Variants in IQCM observed in about 807,000 individuals in gnomAD.
The protein encoded by IQCM is IQ motif containing M, also known as IQ domain-containing protein M.
In IQCM, 45 loss-of-function variants were observed where a neutral mutation model predicts 57.6. The ratio of observed to expected loss-of-function variants is 0.78; its 90% confidence interval spans 0.62 to 1.00. The LOEUF is 1.00. IQCM is among the 50% of genes least tolerant of loss of function. The probability of loss-of-function intolerance (pLI) is 0.00; values close to 1 mark genes in which losing one functional copy is unlikely to be tolerated. For missense variants in IQCM, 468 were observed against 511.6 expected (o/e 0.91, Z 0.82); for synonymous variants, 148 against 158.9 (o/e 0.93, Z 0.51).
intron 12 of IQCM, among the ~76,000 whole-genome samples, chr4:149,442,953 CAGAGAGAGAGAGAGAGAGAGAGAG>C (rs56890715): frequency 1.0e-5 from 1 of 98,002 alleles, no homozygotes; most frequent in Non-Finnish European, 2.2e-5. Flanking sequence ...CACACACACA[CAGAGAGAGAGAGAGAGAGAGAGAG>C]AGAGAGAGAG....
chr4:149,557,921 C>T (rs901867149), intron 10 of IQCM, among the ~76,000 whole-genome samples: 5 of 152,200 alleles, frequency 3.3e-5, no homozygotes, highest in African/African-American at 4.8e-5. Flanking sequence ...CTTCTCTAAA[C>T]TTCGTAGTGC....
chr4:149,354,676 G>A lies in IQCM; in HGVS notation c.1391-2610C>T, dbSNP rs918818230. Among the ~76,000 whole-genome samples, 7 of 151,904 alleles carry A rather than the reference G, an allele frequency of 4.6e-5. No homozygotes were observed. The South Asian group carries it at 1.4e-3, about 31-fold the overall frequency. On this transcript the variant is annotated intron_variant, in intron 13 of 13. Transcript: ENST00000636793. Reference sequence around the variant, plus strand: ...AATAGAAAGAAAAGTGAAAATAAGGGCCCAAGTTCATGTTCTTATACATTT... The same window carrying A: ...AATAGAAAGAAAAGTGAAAATAAGGACCCAAGTTCATGTTCTTATACATTT...
At chr4:149,687,615 C>T (rs1579998801) in intron 5 of IQCM, among the ~76,000 whole-genome samples, 1 of 151,528 alleles carries the variant, frequency 6.6e-6, no homozygotes, top group Non-Finnish European at 1.5e-5. Flanking sequence ...CCAGCATCAC[C>T]CTACTAACAA....
At chr4:149,433,713 ATCT>A (rs1735083593) in intron 12 of IQCM, among the ~76,000 whole-genome samples, 156 bp from the exon 13 acceptor site, 3 of 152,016 alleles carry the variant, frequency 2.0e-5, no homozygotes, top group South Asian at 4.1e-4. Context: ...TTTACCAAAA[ATCT>A]TCTTGTTAAT....
chr4:149,544,005 T>A (rs1748132292), intron 12 of IQCM, among the ~76,000 whole-genome samples: 1 of 152,114 alleles, frequency 6.6e-6, no homozygotes, highest in South Asian at 2.1e-4. Flanking sequence ...AAATTTGCAC[T>A]AAGAATGAAA....
At chr4:149,514,606 C>T (rs1315888248) in intron 12 of IQCM, 1 of 152,206 alleles carries the variant, frequency 6.6e-6, no homozygotes, top group African/African-American at 2.4e-5. Context: ...CTAGGCTGGG[C>T]ATAGCTGGGC....
At chr4:149,629,811 G>A (rs1327637811) in intron 7 of IQCM, among the ~76,000 whole-genome samples, 1 of 152,070 alleles carries the variant, frequency 6.6e-6, no homozygotes, top group Non-Finnish European at 1.5e-5. Context: ...TGCCTCAAAG[G>A]AAGCATTAGA....
chr4:149,746,988 T>C (rs954938864), intron 2 of IQCM, among the ~76,000 whole-genome samples: 1 of 152,160 alleles, frequency 6.6e-6, no homozygotes, highest in South Asian at 2.1e-4. Context: ...AGGACCTCCC[T>C]CCCAGCTTTT....
chr4:149,442,587 G>T (rs1390628864), intron 12 of IQCM, among the ~76,000 whole-genome samples: 1 of 151,890 alleles, frequency 6.6e-6, no homozygotes, highest in Non-Finnish European at 1.5e-5. Context: ...ATCTCTTCTC[G>T]TCCAGTTACC....
chr4:149,420,772 T>C (rs1734067515), intron 13 of IQCM, among the ~76,000 whole-genome samples: 1 of 152,142 alleles, frequency 6.6e-6, no homozygotes, highest in Admixed American at 6.6e-5. Context: ...ATAGTAATTA[T>C]GTTTTGAATT....
At chr4:149,597,880 C>T (rs1158500734) in intron 8 of IQCM, among the ~76,000 whole-genome samples, 1 of 151,784 alleles carries the variant, frequency 6.6e-6, no homozygotes, top group Non-Finnish European at 1.5e-5. Context: ...ACTTACACAC[C>T]TCATAACAAC....
chr4:149,603,994 T>C (rs929355738), intron 8 of IQCM, among the ~76,000 whole-genome samples: 16 of 152,100 alleles, frequency 1.1e-4, no homozygotes, highest in Admixed American at 5.2e-4. Context: ...GTACTACTGC[T>C]GCAAGTCTAC....
chr4:149,739,811 C>T (rs1767287855), intron 3 of IQCM, among the ~76,000 whole-genome samples: 1 of 152,030 alleles, frequency 6.6e-6, no homozygotes, highest in African/African-American at 2.4e-5. Context: ...TAGCCTAAAA[C>T]ATTTTCACAC....
At chr4:149,617,690 TAGC>T (rs1234437629) in intron 8 of IQCM, among the ~76,000 whole-genome samples, 1 of 151,998 alleles carries the variant, frequency 6.6e-6, no homozygotes, top group Non-Finnish European at 1.5e-5. Flanking sequence ...GTACAAAAAT[TAGC>T]AGCATTTCAA....
chr4:149,482,778 A>C (rs1741052735), intron 12 of IQCM, among the ~76,000 whole-genome samples: 1 of 151,378 alleles, frequency 6.6e-6, no homozygotes, highest in Non-Finnish European at 1.5e-5. Flanking sequence ...GTATCAGGGT[A>C]ATACTGTCTT....
At chr4:149,802,617 T>G (rs1773704633) in intron 2 of IQCM, among the ~76,000 whole-genome samples, 2 of 152,024 alleles carry the variant, frequency 1.3e-5, no homozygotes, top group South Asian at 4.1e-4. Context: ...CCTGGGAAGC[T>G]TTCCTAACTT....
intron 2 of IQCM, among the ~76,000 whole-genome samples, chr4:149,769,523 C>G (rs1770366803): frequency 6.6e-6 from 1 of 151,220 alleles, no homozygotes; most frequent in African/African-American, 2.4e-5. Flanking sequence ...CACATAAAAC[C>G]TAGAGCCCCA....
intron 2 of IQCM, among the ~76,000 whole-genome samples, chr4:149,810,668 T>C (rs1195833939): frequency 6.6e-6 from 1 of 152,018 alleles, no homozygotes; most frequent in Non-Finnish European, 1.5e-5. Context: ...GTCAGGCTGG[T>C]CTCAAACCCC....
chr4:149,449,927 C>T (rs1020124737), intron 12 of IQCM, among the ~76,000 whole-genome samples: 2 of 151,782 alleles, frequency 1.3e-5, no homozygotes, highest in African/African-American at 4.8e-5. Context: ...AAGAGCAAAA[C>T]TGGAGGAATC....
Sources: allele counts gnomAD v4.1 joint callset (sites outside exome capture counted in the v4.1 genomes callset), GRCh38; gene constraint gnomAD v4.1.1; transcripts MANE v1.5; gene names NCBI Gene and HGNC (gene_info 2026-07-23, HGNC 2026-07-21).